Variants in PTK2B observed in about 807,000 individuals in gnomAD.
The protein encoded by PTK2B is protein-tyrosine kinase 2-beta.
In PTK2B, 71 loss-of-function variants were observed where a neutral mutation model predicts 142.9. The ratio of observed to expected loss-of-function variants is 0.50; its 90% CI spans 0.41 to 0.61. The LOEUF (loss-of-function observed/expected upper bound fraction) is 0.61. Ranked by LOEUF, PTK2B falls within the 20% of genes least tolerant of loss-of-function variation. PTK2B has a pLI of 0.00. For synonymous variants in PTK2B, 519 were observed against 503.4 expected (o/e 1.03, Z -0.42); for missense variants, 1,105 against 1,320.4 (o/e 0.84, Z 2.53).
Position 27,442,860 on chromosome 8 carries a change from C to T in PTK2B, c.2040-15C>T, listed in dbSNP as rs202115236. 370 of 1,604,494 alleles carry T rather than the reference C, an allele frequency of 2.3e-4. 2 individuals carry two copies. The African/African-American group carries it at 4.6e-3, about 20-fold the overall frequency. ...TGACCTAGTTTCTCTCCTTATCTGACGTGACTCCCTGCAGTGACGTTTATC... is the reference window on the plus strand; with the variant it reads ...TGACCTAGTTTCTCTCCTTATCTGATGTGACTCCCTGCAGTGACGTTTATC... On this transcript the variant is annotated splice_polypyrimidine_tract_variant and intron_variant, in intron 21 of 30. Coordinates refer to ENST00000346049, the MANE Select transcript of PTK2B (RefSeq NM_173176.3).
chr8:27,412,268 T>G (rs1187793503), intron 2 of PTK2B, among the ~76,000 whole-genome samples: 1 of 152,164 alleles, frequency 6.6e-6, no homozygotes, highest in Non-Finnish European at 1.5e-5. Flanking sequence ...GCTCAAAGCT[T>G]CAACTCTCTG....
At chr8:27,382,248 A>C (rs117925988) in intron 1 of PTK2B, among the ~76,000 whole-genome samples, 1 of 152,106 alleles carries the variant, frequency 6.6e-6, no homozygotes, top group African/African-American at 2.4e-5. Context: ...ACACCTGGTT[A>C]TATGTCTTCT....
chr8:27,439,549 G>A (rs868279508), intron 20 of PTK2B, 151 bp downstream of exon 20: 6 of 854,324 alleles, frequency 7.0e-6, no homozygotes, highest in Admixed American at 2.2e-5. Flanking sequence ...TCTCAGAGGT[G>A]GGGAGGCCAG....
At chr8:27,357,702 T>G (rs1461211690) in intron 1 of PTK2B, among the ~76,000 whole-genome samples, 1 of 152,188 alleles carries the variant, frequency 6.6e-6, no homozygotes, top group Non-Finnish European at 1.5e-5. Context: ...GATAAAGATA[T>G]AGATAGCCAA....
chr8:27,334,974 C>T (rs564113667), intron 1 of PTK2B, among the ~76,000 whole-genome samples: 8 of 152,184 alleles, frequency 5.3e-5, no homozygotes, highest in Non-Finnish European at 7.4e-5. Context: ...CTTTTCTCTC[C>T]TCCTCCTACT....
At chr8:27,454,766 C>A (rs564064592) in intron 30 of PTK2B, among the ~76,000 whole-genome samples, 155 bp downstream of exon 30, 79 of 152,294 alleles carry the variant, frequency 5.2e-4, no homozygotes, top group Middle Eastern at 3.4e-3. Context: ...CAGCTACCAC[C>A]AGAGGGCTGA....
At position 27,440,352 on chromosome 8, in the gene PTK2B, T is replaced by C. The variant is rs1349114442; in HGVS notation, c.1950T>C (p.Cys650=). ...ACCGGCTGCCCAAGCCTGATCTCTGTCCACCGGTCCTTTATACCCTCATGA... is the reference window on the plus strand; with the variant it reads ...ACCGGCTGCCCAAGCCTGATCTCTGCCCACCGGTCCTTTATACCCTCATGA... ...KGDRLPKPDL[C]PPVLYTLMTR... is the part of the protein sequence containing the mutation. Residue 650 remains cysteine (C), a synonymous_variant, in exon 21 of 31, where the codon TGT becomes TGC. Coordinates refer to ENST00000346049, the MANE Select transcript of PTK2B (RefSeq NM_173176.3). 1.9e-6 allele frequency: 3 copies of C among 1,614,082 alleles called. No homozygotes were observed. Among genetic ancestry groups the C allele is most frequent in the African/African-American group, 2.7e-5 (2 of 74,932 alleles).
At chr8:27,382,412 T>C (rs60196646) in intron 1 of PTK2B, among the ~76,000 whole-genome samples, 3 of 152,220 alleles carry the variant, frequency 2.0e-5, no homozygotes, top group African/African-American at 7.2e-5. Context: ...GGTTGCCTGG[T>C]CCACTCTGTC....
chr8:27,313,238 C>T (rs1378137629), exon 3 of PTK2B: 1 of 152,350 alleles, frequency 6.6e-6, no homozygotes, highest in Non-Finnish European at 1.5e-5. Flanking sequence ...TCACCTTCAC[C>T]TTCCACTGTG....
At chr8:27,431,888 G>A (rs1810449289) in intron 9 of PTK2B, among the ~76,000 whole-genome samples, 1 of 152,228 alleles carries the variant, frequency 6.6e-6, no homozygotes, top group Admixed American at 6.5e-5. Flanking sequence ...CCTTGGCATA[G>A]GGAGGGGCTT....
Position 27,434,422 on chromosome 8 carries a change from G to A in PTK2B, c.1146-91G>A, listed in dbSNP as rs573014557. ...AATTTGGACAGACTACTTCTCCACA[G>A]GGGGCAGGAGGAGAGGGCGGGCCGA... On this transcript the variant is annotated intron_variant, in intron 12 of 30. Coordinates refer to ENST00000346049, the MANE Select transcript of PTK2B (RefSeq NM_173176.3). 88 of 1,364,924 alleles carry A rather than the reference G, an allele frequency of 6.4e-5. No homozygotes were observed. In the African/African-American group the frequency reaches 1.2e-3, roughly 19 times the overall value. 84.6% of individuals were successfully genotyped at this position (1,364,924 alleles called of 1,614,324 possible).
intron 1 of PTK2B, among the ~76,000 whole-genome samples, chr8:27,370,562 A>G (rs1806291086): frequency 6.6e-6 from 1 of 152,146 alleles, no homozygotes; most frequent in Admixed American, 6.5e-5. Flanking sequence ...CCCTTTTGTA[A>G]AATATGCCTA....
chr8:27,430,853 A>C, intron 7 of PTK2B, 23 bp from the exon 8 acceptor site: 1 of 1,610,854 alleles, frequency 6.2e-7, no homozygotes. Flanking sequence ...GGCATTGCTC[A>C]CACGGCCCAT....
At chr8:27,389,645 C>A (rs377530731) in intron 1 of PTK2B, among the ~76,000 whole-genome samples, 2 of 152,182 alleles carry the variant, frequency 1.3e-5, no homozygotes, top group African/African-American at 4.8e-5. Flanking sequence ...GAGCTGAAAA[C>A]GTGGTAAAGT....
chr8:27,451,881 C>T lies in PTK2B; in HGVS notation c.2548+372C>T, dbSNP rs564910221. 9.8e-5 allele frequency: 59 copies of T among 600,890 alleles called. No individual in the cohort carries two copies. The African/African-American group carries it at 1.1e-3, about 11-fold the overall frequency. 37.2% of individuals were successfully genotyped at this position (600,890 alleles called of 1,614,324 possible). A position where few individuals can be genotyped will look rare whatever the true frequency, so the allele number is the denominator to read the frequency against. ...CCTGCCTGTCCCAGTTCAGATTCAT[C>T]TTCTGTAGGCCTGAGGGACAGAGGA... On this transcript the variant is annotated intron_variant, in intron 27 of 30. Transcript: ENST00000346049.
chr8:27,451,424 G>T, intron 26 of PTK2B, 61 bp from the exon 27 acceptor site: 2 of 1,608,478 alleles, frequency 1.2e-6, no homozygotes, highest in South Asian at 1.1e-5. Flanking sequence ...GGTAACCAGG[G>T]AGGGGGTTGT....
chr8:27,435,997 G>T (rs1240966609), intron 14 of PTK2B, among the ~76,000 whole-genome samples: 1 of 152,108 alleles, frequency 6.6e-6, no homozygotes, highest in Non-Finnish European at 1.5e-5. Context: ...CCTTTTGTGT[G>T]CCCATGGAGC....
chr8:27,406,879 G>A (rs1808746456), intron 2 of PTK2B, among the ~76,000 whole-genome samples: 1 of 152,160 alleles, frequency 6.6e-6, no homozygotes, highest in African/African-American at 2.4e-5. Context: ...CTGCTCTGAG[G>A]CAGGCACTGC....
chr8:27,427,948 C>T (rs1810185977), intron 5 of PTK2B, among the ~76,000 whole-genome samples: 1 of 152,068 alleles, frequency 6.6e-6, no homozygotes. Context: ...GATTCAAGCA[C>T]ATTACATTTA....
Sources: allele counts gnomAD v4.1 joint callset (sites outside exome capture counted in the v4.1 genomes callset), GRCh38; gene constraint gnomAD v4.1.1; transcripts MANE v1.5; gene names NCBI Gene and HGNC (gene_info 2026-07-23, HGNC 2026-07-21).